The following KCTD8 variants were observed in gnomAD, a reference collection of about 807,000 sequenced individuals.
KCTD8 encodes the protein potassium channel tetramerization domain containing 8.
A neutral mutation model predicts 31.5 loss-of-function variants in KCTD8; 27 were observed. That is an observed-to-expected ratio of 0.86 (90% CI 0.63 to 1.18). KCTD8 has a LOEUF of 1.18. Among genes scored for constraint, KCTD8 ranks in the 50% most tolerant of loss-of-function variants. The pLI, the probability that KCTD8 is intolerant of heterozygous loss-of-function variation, is 0.00. For missense variants in KCTD8, 658 were observed against 647.7 expected (o/e 1.02, Z -0.17); for synonymous variants, 290 against 280.0 (o/e 1.04, Z -0.36).
intron 1 of KCTD8, among the ~76,000 whole-genome samples, chr4:44,391,857 G>A (rs540495627): frequency 2.0e-5 from 3 of 152,030 alleles, no homozygotes; most frequent in Admixed American, 6.6e-5. Context: ...GTTAATCCAC[G>A]TGATTCCATA....
intron 1 of KCTD8, among the ~76,000 whole-genome samples, chr4:44,434,082 C>A (rs1387753361): frequency 6.6e-6 from 1 of 151,770 alleles, no homozygotes. Context: ...CCCTGATATC[C>A]AGCCAAATCA....
chr4:44,422,603 A>T (rs1200506887), intron 1 of KCTD8, among the ~76,000 whole-genome samples: 4 of 152,154 alleles, frequency 2.6e-5, no homozygotes, highest in Non-Finnish European at 1.5e-5. Flanking sequence ...GAACCATGTG[A>T]TCATTGACAG....
chr4:44,365,082 A>C (rs1223444705), intron 1 of KCTD8, among the ~76,000 whole-genome samples: 3 of 152,186 alleles, frequency 2.0e-5, no homozygotes, highest in African/African-American at 4.8e-5. Context: ...AGATAATAAT[A>C]GTGTTTTAAT....
At chr4:44,206,495 T>C (rs1488067008) in intron 1 of KCTD8, among the ~76,000 whole-genome samples, 1 of 152,156 alleles carries the variant, frequency 6.6e-6, no homozygotes, top group African/African-American at 2.4e-5. Context: ...TTGCCACCTC[T>C]TTTTATGGCC....
chr4:44,448,530 C>T lies in KCTD8; in HGVS notation c.-7G>A. On this transcript the variant is annotated 5_prime_UTR_variant, in exon 1 of 2. Transcript: ENST00000360029. The surrounding 1 kb of genome is among the most constrained non-coding windows in gnomAD (Gnocchi z 4.1). ...CCGTGTCCTTCAGAGCCATAGTCCC[C>T]CCGCCGCCGGCCCAGTGACCCGAGA... The T allele has an allele frequency of 2.1e-6, 3 of 1,452,990 alleles. No homozygotes were observed. Among genetic ancestry groups the T allele is most frequent in the Non-Finnish European group, 2.7e-6 (3 of 1,106,742 alleles). The allele number at this position is 1,452,990 out of a possible 1,614,324, so 90.0% of individuals were successfully genotyped here.
At chr4:44,436,357 G>T (rs1353391397) in intron 1 of KCTD8, among the ~76,000 whole-genome samples, 1 of 151,984 alleles carries the variant, frequency 6.6e-6, no homozygotes, top group Non-Finnish European at 1.5e-5. Flanking sequence ...TAAACAAATT[G>T]ATGGCATTAC....
At chr4:44,369,643 A>G (rs771165213) in intron 1 of KCTD8, among the ~76,000 whole-genome samples, 3 of 152,102 alleles carry the variant, frequency 2.0e-5, no homozygotes, top group Non-Finnish European at 2.9e-5. Flanking sequence ...CTGCCTTTAC[A>G]AAGATTAGCC....
intron 1 of KCTD8, among the ~76,000 whole-genome samples, chr4:44,179,319 T>G (rs1713308174): frequency 6.6e-6 from 1 of 151,874 alleles, no homozygotes. Context: ...AATTATACAG[T>G]GTTTGAAATG....
intron 1 of KCTD8, among the ~76,000 whole-genome samples, chr4:44,332,854 C>G (rs1293245740): frequency 1.3e-5 from 2 of 151,848 alleles, no homozygotes; most frequent in African/African-American, 4.8e-5. Context: ...ACATGACAGA[C>G]CAGAGATTCT....
chr4:44,242,846 C>G (rs548537529), intron 1 of KCTD8, among the ~76,000 whole-genome samples: 102 of 152,148 alleles, frequency 6.7e-4, no homozygotes, highest in African/African-American at 2.4e-3. Flanking sequence ...TGCTCCTGCT[C>G]TGGCCAAATG....
At position 44,285,628 on chromosome 4, in the gene KCTD8, T is replaced by C. The variant is rs1204264834; in HGVS notation, c.962-110378A>G. 3.3e-5 allele frequency among the ~76,000 whole-genome samples: 5 copies of C among 152,052 alleles called. No homozygotes were observed. In the East Asian group the frequency reaches 7.8e-4, roughly 24 times the overall value. On this transcript the variant is annotated intron_variant, in intron 1 of 1. Coordinates refer to ENST00000360029, the MANE Select transcript of KCTD8 (RefSeq NM_198353.3). ...CAGAACTTAAAGTATAATAAAAAGATATATTACTGCTTATTGACATTGCAC... is the reference window on the plus strand; with the variant it reads ...CAGAACTTAAAGTATAATAAAAAGACATATTACTGCTTATTGACATTGCAC...
At chr4:44,365,398 T>C (rs1719605223) in intron 1 of KCTD8, among the ~76,000 whole-genome samples, 1 of 152,136 alleles carries the variant, frequency 6.6e-6, no homozygotes, top group African/African-American at 2.4e-5. Context: ...AAAAGGATGA[T>C]TTCAATGTGT....
At chr4:44,322,924 A>C (rs761678191) in intron 1 of KCTD8, among the ~76,000 whole-genome samples, 2 of 151,976 alleles carry the variant, frequency 1.3e-5, no homozygotes, top group Non-Finnish European at 1.5e-5. Context: ...TGAGTTCTCT[A>C]TTCTGTTCCA....
At chr4:44,433,737 C>A (rs542586473) in intron 1 of KCTD8, among the ~76,000 whole-genome samples, 5 of 151,642 alleles carry the variant, frequency 3.3e-5, no homozygotes, top group Admixed American at 1.3e-4. Context: ...CCAAGACATA[C>A]CCCTGGTAAA....
chr4:44,262,435 G>A (rs1716207561), intron 1 of KCTD8, among the ~76,000 whole-genome samples: 1 of 151,912 alleles, frequency 6.6e-6, no homozygotes. Context: ...CAAAATCTCT[G>A]AAAAGGCAAT....
At chr4:44,331,690 T>G (rs1212321243) in intron 1 of KCTD8, among the ~76,000 whole-genome samples, 1 of 150,100 alleles carries the variant, frequency 6.7e-6, no homozygotes, top group South Asian at 2.1e-4. Flanking sequence ...TATATACATA[T>G]ATGGAAATAT....
At chr4:44,318,307 T>G (rs575119693) in intron 1 of KCTD8, among the ~76,000 whole-genome samples, 3 of 152,300 alleles carry the variant, frequency 2.0e-5, no homozygotes, top group Non-Finnish European at 2.9e-5. Context: ...GATAGCACAC[T>G]GCAGCCTCAA....
chr4:44,221,616 T>G (rs971723060), intron 1 of KCTD8, among the ~76,000 whole-genome samples: 6 of 151,978 alleles, frequency 3.9e-5, no homozygotes, highest in African/African-American at 4.8e-5. Flanking sequence ...GGCCCAGAAG[T>G]CCCCGGAAAA....
At chr4:44,182,024 C>G (rs187136525) in intron 1 of KCTD8, among the ~76,000 whole-genome samples, 2,643 of 151,936 alleles carry the variant, frequency 0.017, 80 homozygotes, top group African/African-American at 0.06. Context: ...TGGCAGCTGC[C>G]CTGTCTGAGA....
Sources: gnomAD v4.1 joint callset for allele counts (sites outside exome capture counted in the v4.1 genomes callset) on GRCh38, gnomAD v4.1.1 for gene constraint, Gnocchi (gnomAD v3.1) non-coding constraint, MANE v1.5 for transcripts, NCBI Gene and HGNC (gene_info 2026-07-23, HGNC 2026-07-21) for gene names.